FKTN: variants seen among roughly 807,000 people sequenced by gnomAD.
The protein encoded by FKTN is ribitol-5-phosphate transferase FKTN.
A neutral mutation model predicts 58.6 loss-of-function variants in FKTN; 47 were observed. The observed-to-expected ratio is 0.80, with a 90% CI of 0.63 to 1.02. The LOEUF (loss-of-function observed/expected upper bound fraction) is 1.02, where lower values mean the gene tolerates loss of function less well. Among genes scored for constraint, FKTN ranks in the 50% least tolerant of loss-of-function variants. The probability of loss-of-function intolerance (pLI) is 0.00; values close to 1 mark genes in which losing one functional copy is unlikely to be tolerated. For synonymous variants in FKTN, 178 were observed against 191.9 expected (o/e 0.93, Z 0.60); for missense variants, 516 against 537.3 (o/e 0.96, Z 0.39).
chr9:105,615,419 A>C lies in FKTN; in HGVS notation c.910+12A>C. On this transcript the variant is annotated intron_variant, in intron 8 of 10. Coordinates refer to ENST00000357998, the MANE Select transcript of FKTN (RefSeq NM_001079802.2). ...TGGAACTTGTCTAGGTAAAATTCTT[A>C]CGACTTTCCATTTGTCTTTCTGTCA... 1 of 1,613,676 alleles carries C rather than the reference A, an allele frequency of 6.2e-7. No homozygotes were observed. The highest frequency in any genetic ancestry group is 8.5e-7 in the Non-Finnish European group (1 of 1,179,592).
At chr9:105,567,847 T>C (rs563321839) in intron 1 of FKTN, among the ~76,000 whole-genome samples, 3 of 152,022 alleles carry the variant, frequency 2.0e-5, no homozygotes, top group Non-Finnish European at 4.4e-5. Context: ...AATCCTAAGC[T>C]AAAAGAACAA....
chr9:105,637,884 C>T lies in FKTN; in HGVS notation c.*2620C>T. The T allele has an allele frequency of 2.0e-6, 2 of 985,324 alleles. No homozygotes were observed. The highest frequency in any genetic ancestry group is 1.2e-6 in the Non-Finnish European group (1 of 829,904). 61.0% of individuals were successfully genotyped at this position (985,324 alleles called of 1,614,324 possible). A position where few individuals can be genotyped will look rare whatever the true frequency, so the allele number is the denominator to read the frequency against. ...GGCCCCTGGAATAAAACCATAGTTC[C>T]TAAAATTGAGCATCCCTAAGAGTAG... On this transcript the variant is annotated 3_prime_UTR_variant, in exon 11 of 11. Transcript: ENST00000357998.
intron 10 of FKTN, chr9:105,624,421 A>C (rs1388050704): frequency 2.0e-5 from 3 of 152,044 alleles, no homozygotes; most frequent in Non-Finnish European, 4.4e-5. Context: ...TGAGCACGGG[A>C]GTTTGAGACC....
At chr9:105,615,881 T>C (rs1282475393) in intron 8 of FKTN, among the ~76,000 whole-genome samples, 1 of 152,248 alleles carries the variant, frequency 6.6e-6, no homozygotes, top group Non-Finnish European at 1.5e-5. Context: ...AAAAGTTGTG[T>C]GTGATCTCTG....
intron 1 of FKTN, among the ~76,000 whole-genome samples, chr9:105,568,361 C>T (rs1305525290): frequency 6.6e-6 from 1 of 152,160 alleles, no homozygotes; most frequent in Non-Finnish European, 1.5e-5. Flanking sequence ...AGGCAACCTA[C>T]AGAATGGGAG....
intron 10 of FKTN, among the ~76,000 whole-genome samples, chr9:105,627,998 C>G (rs1411804973): frequency 1.3e-5 from 2 of 152,112 alleles, no homozygotes; most frequent in African/African-American, 4.8e-5. Flanking sequence ...TTAAGTTAGC[C>G]TAGTTGTTTT....
intron 3 of FKTN, among the ~76,000 whole-genome samples, chr9:105,582,794 T>C (rs909257437): frequency 1.3e-5 from 2 of 152,210 alleles, no homozygotes; most frequent in African/African-American, 4.8e-5. Context: ...AAGTTATCCT[T>C]CATAAGGATA....
intron 3 of FKTN, among the ~76,000 whole-genome samples, chr9:105,594,962 C>T (rs902836885): frequency 1.3e-5 from 2 of 152,084 alleles, no homozygotes; most frequent in Non-Finnish European, 2.9e-5. Flanking sequence ...CCTAAATGTT[C>T]ATCAACTAAT....
intron 3 of FKTN, among the ~76,000 whole-genome samples, chr9:105,585,174 C>T (rs1427435651): frequency 1.3e-5 from 2 of 152,144 alleles, no homozygotes; most frequent in Non-Finnish European, 2.9e-5. Context: ...CCTGTAATCC[C>T]AGCACTTTGG....
At chr9:105,568,455 A>G (rs907051253) in intron 1 of FKTN, among the ~76,000 whole-genome samples, 14 of 151,800 alleles carry the variant, frequency 9.2e-5, no homozygotes, top group African/African-American at 3.1e-4. Context: ...AGAAAAAAAC[A>G]ACCCCATCAA....
At chr9:105,621,550 C>T (rs566842431) in intron 10 of FKTN, among the ~76,000 whole-genome samples, 21 of 151,934 alleles carry the variant, frequency 1.4e-4, no homozygotes, top group Admixed American at 3.3e-4. Flanking sequence ...CTCATTTTCC[C>T]GTTTCTAGTT....
chr9:105,593,497 A>T (rs1845279772), intron 3 of FKTN, among the ~76,000 whole-genome samples: 1 of 152,182 alleles, frequency 6.6e-6, no homozygotes, highest in South Asian at 2.1e-4. Flanking sequence ...TTGGCTATAT[A>T]AGTCTGGGTA....
At chr9:105,600,259 T>C (rs1025564289) in intron 4 of FKTN, among the ~76,000 whole-genome samples, 3 of 152,186 alleles carry the variant, frequency 2.0e-5, no homozygotes, top group African/African-American at 7.2e-5. Context: ...TTACAATTGA[T>C]ATTTTGTCTA....
intron 10 of FKTN, among the ~76,000 whole-genome samples, chr9:105,626,401 A>G (rs1006002929): frequency 3.3e-5 from 5 of 152,162 alleles, no homozygotes; most frequent in African/African-American, 1.2e-4. Context: ...ATTTCTCCTC[A>G]CATGGTGAAA....
intron 1 of FKTN, among the ~76,000 whole-genome samples, chr9:105,564,885 G>A (rs1839087250): frequency 6.6e-6 from 1 of 152,152 alleles, no homozygotes; most frequent in South Asian, 2.1e-4. Context: ...AAAATGTTAA[G>A]GGCAGCCAGA....
intron 1 of FKTN, among the ~76,000 whole-genome samples, chr9:105,569,343 A>G (rs1840317620): frequency 1.3e-5 from 2 of 152,192 alleles, no homozygotes; most frequent in Non-Finnish European, 2.9e-5. Flanking sequence ...TTCACTGTAG[A>G]AAGAGCCTGA....
chr9:105,590,509 CA>C (rs939134814), intron 3 of FKTN, among the ~76,000 whole-genome samples: 3 of 152,056 alleles, frequency 2.0e-5, no homozygotes, highest in African/African-American at 7.2e-5. Flanking sequence ...ATGATTTGGA[CA>C]AGAGAGTTGA....
At chr9:105,620,984 G>A (rs1178195562) in intron 10 of FKTN, among the ~76,000 whole-genome samples, 1 of 152,018 alleles carries the variant, frequency 6.6e-6, no homozygotes, top group Admixed American at 6.6e-5. Context: ...TTAGAGTCCT[G>A]TTATTCTTAA....
chr9:105,618,950 T>C (rs1588212822), intron 9 of FKTN, among the ~76,000 whole-genome samples: 2 of 151,404 alleles, frequency 1.3e-5, no homozygotes, highest in African/African-American at 4.9e-5. Flanking sequence ...TCCCAGCTAC[T>C]GGGGAGGCTG....
Sources: allele counts gnomAD v4.1 joint callset (sites outside exome capture counted in the v4.1 genomes callset), GRCh38; gene constraint gnomAD v4.1.1; transcripts MANE v1.5; gene names NCBI Gene and HGNC (gene_info 2026-07-23, HGNC 2026-07-21).